Variants in KIRREL3 observed in about 807,000 individuals in gnomAD.
The protein encoded by KIRREL3 is kin of IRRE-like protein 3.
KIRREL3 carries 36 observed loss-of-function variants against 89.7 expected under a neutral mutation model. That is an observed-to-expected ratio of 0.40 (90% CI 0.31 to 0.53). The LOEUF (loss-of-function observed/expected upper bound fraction) is 0.53, where lower values mean the gene tolerates loss of function less well. Among genes scored for constraint, KIRREL3 ranks in the 20% least tolerant of loss-of-function variants. KIRREL3 has a pLI of 0.49. For missense variants in KIRREL3, 864 were observed against 1,056.6 expected, an observed-to-expected ratio of 0.82 and a Z score of 2.53; for synonymous variants, 445 against 441.4, an observed-to-expected ratio of 1.01 and a Z score of -0.10.
chr11:126,829,818 T>TA (rs1372595944), intron 1 of KIRREL3, among the ~76,000 whole-genome samples: 1 of 152,138 alleles, frequency 6.6e-6, no homozygotes, highest in Non-Finnish European at 1.5e-5. Context: ...AAACTCTGAT[T>TA]AAATGCTAAG....
At chr11:126,626,666 C>T (rs1253078007) in intron 1 of KIRREL3, among the ~76,000 whole-genome samples, 1 of 152,196 alleles carries the variant, frequency 6.6e-6, no homozygotes, top group African/African-American at 2.4e-5. Flanking sequence ...CCACCGGTGC[C>T]TATCAGCCCG....
rs1436155783 is a variant in KIRREL3 at position 126,490,674 on chromosome 11, GT to G, written c.434-17209del. Among the ~76,000 whole-genome samples, 1 of 152,194 alleles carries G rather than the reference GT, an allele frequency of 6.6e-6. No homozygotes were observed. Among genetic ancestry groups the G allele is most frequent in the East Asian group, 1.9e-4 (1 of 5,196 alleles). On this transcript the variant is annotated intron_variant, in intron 4 of 16. Transcript: ENST00000525144. This position sits in a 1 kb window ranked among gnomAD's most constrained non-coding sequence, Gnocchi z 4.2. ...AATAATTCTGTGAAGGTTAGGAGAA[GT>G]TCCATGGGATGGCATTTGTGACGTC... is the stretch of plus-strand genomic sequence containing the variant.
chr11:126,852,220 ATG>A (rs1461695126), intron 1 of KIRREL3, among the ~76,000 whole-genome samples: 1 of 151,804 alleles, frequency 6.6e-6, no homozygotes, highest in Non-Finnish European at 1.5e-5. Flanking sequence ...CGCCCAGCTA[ATG>A]TTTGTATTTT....
chr11:126,436,079 C>T (rs1235897476), intron 12 of KIRREL3, among the ~76,000 whole-genome samples: 3 of 152,346 alleles, frequency 2.0e-5, no homozygotes, highest in South Asian at 2.1e-4. Flanking sequence ...TCTGAGCAGA[C>T]GCTGGAGATC....
intron 1 of KIRREL3, among the ~76,000 whole-genome samples, chr11:126,753,854 T>C (rs530742041): frequency 6.6e-6 from 1 of 152,308 alleles, no homozygotes; most frequent in South Asian, 2.1e-4. Flanking sequence ...TTAGAGATGA[T>C]TAGATAGAAG....
chr11:126,790,759 G>T (rs1480193794), intron 1 of KIRREL3, among the ~76,000 whole-genome samples: 3 of 152,138 alleles, frequency 2.0e-5, no homozygotes, highest in African/African-American at 7.2e-5. Flanking sequence ...TGTGCTGGGA[G>T]TGACTGGAGC....
intron 5 of KIRREL3, among the ~76,000 whole-genome samples, chr11:126,469,708 G>C (rs1448804102): frequency 6.6e-6 from 1 of 152,232 alleles, no homozygotes; most frequent in Non-Finnish European, 1.5e-5. Flanking sequence ...GGATGACCAT[G>C]GTTTGGAGGA....
At chr11:126,790,236 C>A (rs1950596715) in intron 1 of KIRREL3, among the ~76,000 whole-genome samples, 2 of 152,316 alleles carry the variant, frequency 1.3e-5, no homozygotes, top group East Asian at 3.9e-4. Flanking sequence ...TTGCACTGGG[C>A]TTTAAGCATT....
intron 1 of KIRREL3, among the ~76,000 whole-genome samples, chr11:126,831,661 T>G (rs895290555): frequency 2.0e-5 from 3 of 152,172 alleles, no homozygotes; most frequent in African/African-American, 7.2e-5. Flanking sequence ...ACCCCAAATT[T>G]AGAAGTTGGA....
At position 126,860,671 on chromosome 11, in the gene KIRREL3, T is replaced by C. The variant is rs1944673964; in HGVS notation, c.55+139784A>G. The stretch of plus-strand genomic sequence containing the variant: ...GAAGGTTTCTAGACAGAAGAATGGC[T>C]TGGGGGGCTGTGTGTTTGAGAGACT... On this transcript the variant is annotated intron_variant, in intron 1 of 16. Coordinates refer to ENST00000525144, the MANE Select transcript of KIRREL3 (RefSeq NM_032531.4). This position sits in a 1 kb window ranked among gnomAD's most constrained non-coding sequence, Gnocchi z 4.6. Among the ~76,000 whole-genome samples the C allele has an allele frequency of 6.6e-6, 1 of 152,086 alleles. No homozygotes were observed. Among genetic ancestry groups the C allele is most frequent in the African/African-American group, 2.4e-5 (1 of 41,386 alleles).
rs1439326637 is a variant in KIRREL3, at chr11:127,000,512, C to G, written c.-3G>C. 6.2e-7 allele frequency: 1 copy of G among 1,604,434 alleles called. No individual in the cohort carries two copies. Among genetic ancestry groups the G allele is most frequent in the South Asian group, 1.1e-5 (1 of 88,798 alleles). On this transcript the variant is annotated 5_prime_UTR_variant, in exon 1 of 17. Transcript: ENST00000525144. The surrounding 1 kb of genome is among the most constrained non-coding windows in gnomAD (Gnocchi z 7.1). ...AGATCGAGCTGGAAGGGTTTCATTC[C>G]TTAGCGCAGCGAAGGAAAGCCGGCG... is the stretch of plus-strand genomic sequence containing the variant.
In KIRREL3 at chr11:126,594,852, T is replaced by C. The variant is rs901632790; in HGVS notation, c.56-31940A>G. Among the ~76,000 whole-genome samples, 19 of 152,376 alleles carry C rather than the reference T, an allele frequency of 1.2e-4. No individual in the cohort carries two copies. Among genetic ancestry groups the C allele is most frequent in the African/African-American group, 3.8e-4 (16 of 41,594 alleles). ...TTTGGGAGCTGCTCGATCTTTTCTG[T>C]TAGCATTTCCGCCACGTGCTTCTCA... is the stretch of plus-strand genomic sequence containing the variant. On this transcript the variant is annotated intron_variant, in intron 1 of 16. Coordinates refer to ENST00000525144, the MANE Select transcript of KIRREL3 (RefSeq NM_032531.4). The surrounding 1 kb of genome is among the most constrained non-coding windows in gnomAD (Gnocchi z 5.0).
rs1950170005 is a variant in KIRREL3 at position 126,995,999 on chromosome 11, T to C, written c.55+4456A>G. On this transcript the variant is annotated intron_variant, in intron 1 of 16. Coordinates refer to ENST00000525144, the MANE Select transcript of KIRREL3 (RefSeq NM_032531.4). This position sits in a 1 kb window ranked among gnomAD's most constrained non-coding sequence, Gnocchi z 6.5. ...AGAGGGGGACCCCATGGTATCCTCT[T>C]AGAGCAATGTGAAGGCCTTGACCCC... 1.3e-5 allele frequency among the ~76,000 whole-genome samples: 2 copies of C among 152,120 alleles called. No individual in the cohort carries two copies. The highest frequency in any genetic ancestry group is 4.8e-5 in the African/African-American group (2 of 41,420).
intron 6 of KIRREL3, among the ~76,000 whole-genome samples, chr11:126,457,359 CTGTGTGTATGCGTGTA>C (rs1280447625): frequency 1.6e-5 from 2 of 126,936 alleles, no homozygotes; most frequent in African/African-American, 3.4e-5. Context: ...ATGTATGTCT[CTGTGTGTATGCGTGTA>C]TGTGTGTATG....
intron 1 of KIRREL3, among the ~76,000 whole-genome samples, chr11:126,850,755 G>T (rs975322528): frequency 9.2e-5 from 14 of 152,170 alleles, no homozygotes; most frequent in African/African-American, 3.1e-4. Flanking sequence ...TGTCAGACTT[G>T]GGAGCCTCAT....
rs774084086 is a variant in KIRREL3, at chr11:126,440,449, G to T, written c.1353C>A (p.Ile451=). ...CGCCCGCCGTCCCTGGAGCACTCAC[G>T]ATGCGGTCCGGCGGCGGCGTGCTCC... ...FIRSTPPPDR[I]AWSWKENVLE... is the part of the protein sequence containing the mutation. The change falls in exon 11 of 17, where the codon ATC becomes ATA. Residue 451 remains isoleucine (I), a splice_region_variant and synonymous_variant. Transcript: ENST00000525144. 1.9e-6 allele frequency: 3 copies of T among 1,569,880 alleles called. No homozygotes were observed. The Admixed American group carries it at 5.6e-5, about 29-fold the overall frequency.
chr11:126,902,664 T>C (rs1322637896), intron 1 of KIRREL3, among the ~76,000 whole-genome samples: 5 of 152,170 alleles, frequency 3.3e-5, no homozygotes, highest in East Asian at 3.8e-4. Flanking sequence ...CCACAATCTA[T>C]TGAGGCAGAT....
rs2134873245 is a variant in KIRREL3, at chr11:126,906,260, C to T, written c.55+94195G>A. Among the ~76,000 whole-genome samples the T allele has an allele frequency of 6.6e-6, 1 of 152,296 alleles. No individual in the cohort carries two copies. The highest frequency in any genetic ancestry group is 2.1e-4 in the South Asian group (1 of 4,810). On this transcript the variant is annotated intron_variant, in intron 1 of 16. Coordinates refer to ENST00000525144, the MANE Select transcript of KIRREL3 (RefSeq NM_032531.4). The surrounding 1 kb of genome is among the most constrained non-coding windows in gnomAD (Gnocchi z 4.1). The stretch of plus-strand genomic sequence containing the variant: ...AAGCAAGATGTTCAAAGACATGGCT[C>T]CCAGTCTCGGAAATCCAAACCTCAC...
At chr11:126,966,309 A>C (rs1433156880) in intron 1 of KIRREL3, among the ~76,000 whole-genome samples, 1 of 152,194 alleles carries the variant, frequency 6.6e-6, no homozygotes, top group Non-Finnish European at 1.5e-5. Flanking sequence ...GCTGGAGATG[A>C]AAAGATCTGT....
Sources: allele counts gnomAD v4.1 joint callset (sites outside exome capture counted in the v4.1 genomes callset), GRCh38; gene constraint gnomAD v4.1.1; non-coding constraint Gnocchi (gnomAD v3.1); transcripts MANE v1.5; gene names NCBI Gene and HGNC (gene_info 2026-07-23, HGNC 2026-07-21).